The following TBC1D5 variants were observed in gnomAD, a reference collection of about 807,000 sequenced individuals.
The protein encoded by TBC1D5 is TBC1 domain family, member 5.
A neutral mutation model predicts 100.3 loss-of-function variants in TBC1D5; 75 were observed. The ratio of observed to expected loss-of-function variants is 0.75; its 90% CI spans 0.62 to 0.91. TBC1D5 has a LOEUF of 0.91. TBC1D5 is among the 40% of genes least tolerant of loss of function. The pLI is 0.00. For synonymous variants in TBC1D5, 323 were observed against 325.6 expected (o/e 0.99, Z 0.09); for missense variants, 910 against 942.4 (o/e 0.97, Z 0.45).
chr3:17,636,079 GC>G (rs2063889898), intron 1 of TBC1D5, among the ~76,000 whole-genome samples: 1 of 152,086 alleles, frequency 6.6e-6, no homozygotes, highest in Admixed American at 6.5e-5. Context: ...TGTAATCCCA[GC>G]TACTTGAGAG....
intron 17 of TBC1D5, among the ~76,000 whole-genome samples, chr3:17,236,610 T>C (rs191241882): frequency 6.1e-4 from 93 of 152,080 alleles, no homozygotes; most frequent in African/African-American, 2.0e-3. Flanking sequence ...CTCAGTCTCC[T>C]GAGTAGCTGG....
chr3:17,493,576 T>G (rs774984046), intron 3 of TBC1D5, among the ~76,000 whole-genome samples: 1 of 152,194 alleles, frequency 6.6e-6, no homozygotes, highest in Non-Finnish European at 1.5e-5. Context: ...AGTTGTAGAT[T>G]TGGTCTTTTT....
At chr3:17,316,420 T>C (rs2084707144) in intron 13 of TBC1D5, among the ~76,000 whole-genome samples, 1 of 152,188 alleles carries the variant, frequency 6.6e-6, no homozygotes, top group African/African-American at 2.4e-5. Context: ...CCCTCTCTTC[T>C]GAAAAATACA....
At chr3:17,651,239 C>A (rs1191527915) in intron 1 of TBC1D5, among the ~76,000 whole-genome samples, 1 of 152,090 alleles carries the variant, frequency 6.6e-6, no homozygotes, top group East Asian at 1.9e-4. Flanking sequence ...AAAATTAACA[C>A]ATTTCCAGCT....
intron 3 of TBC1D5, among the ~76,000 whole-genome samples, chr3:17,507,778 T>G (rs1253938590): frequency 6.6e-6 from 1 of 152,202 alleles, no homozygotes; most frequent in Admixed American, 6.5e-5. Flanking sequence ...TTTAGTGAAC[T>G]GCTTAAAAAC....
intron 8 of TBC1D5, among the ~76,000 whole-genome samples, chr3:17,387,606 T>C (rs2093205313): frequency 1.3e-5 from 2 of 151,882 alleles, no homozygotes. Context: ...TTTGATGATA[T>C]GTTGTAAGTT....
chr3:17,564,683 T>G (rs2096582770), intron 2 of TBC1D5, among the ~76,000 whole-genome samples: 1 of 152,164 alleles, frequency 6.6e-6, no homozygotes, highest in Non-Finnish European at 1.5e-5. Context: ...GCCCCACCAC[T>G]ACTGCTGAGG....
chr3:17,452,725 A>G (rs2094956090), intron 3 of TBC1D5, among the ~76,000 whole-genome samples: 1 of 152,160 alleles, frequency 6.6e-6, no homozygotes, highest in East Asian at 1.9e-4. Flanking sequence ...TAGAGAATTC[A>G]GCACCCCACT....
At chr3:17,423,978 T>C (rs1292883314) in intron 4 of TBC1D5, among the ~76,000 whole-genome samples, 1 of 152,014 alleles carries the variant, frequency 6.6e-6, no homozygotes, top group East Asian at 1.9e-4. Context: ...AAAAAGCTTA[T>C]GAATAAATGA....
chr3:17,627,197 G>T (rs2063129620), intron 1 of TBC1D5, among the ~76,000 whole-genome samples: 1 of 152,130 alleles, frequency 6.6e-6, no homozygotes, highest in Non-Finnish European at 1.5e-5. Context: ...GGAATTCTTA[G>T]ATCTAAGATA....
At chr3:17,728,328 T>C (rs1031184023) in intron 1 of TBC1D5, among the ~76,000 whole-genome samples, 3 of 152,120 alleles carry the variant, frequency 2.0e-5, no homozygotes, top group Non-Finnish European at 2.9e-5. Context: ...GAAAGGAAGA[T>C]GGAACATTCA....
At chr3:17,157,289 T>C (rs1181582793) in exon 22 of TBC1D5, 1 of 152,266 alleles carries the variant, frequency 6.6e-6, no homozygotes, top group Admixed American at 6.5e-5. Context: ...CGATAGGGCA[T>C]ACATGGCGTC....
chr3:17,272,955 AT>A (rs2079579770), intron 15 of TBC1D5, among the ~76,000 whole-genome samples: 1 of 152,208 alleles, frequency 6.6e-6, no homozygotes, highest in African/African-American at 2.4e-5. Context: ...ATTTATTTTC[AT>A]CCCAACAGTC....
chr3:17,359,718 C>G (rs554422197), intron 13 of TBC1D5, among the ~76,000 whole-genome samples: 1 of 151,960 alleles, frequency 6.6e-6, no homozygotes, highest in Non-Finnish European at 1.5e-5. Flanking sequence ...TACAGGTTAG[C>G]TTAATTACCA....
chr3:17,291,772 G>GCTACCATTAGGCAATTCAT, intron 15 of TBC1D5, 123 bp downstream of exon 15: 1 of 850,140 alleles, frequency 1.2e-6, no homozygotes, highest in South Asian at 1.9e-5. Flanking sequence ...TTAGGCAAAT[G>GCTACCATTAGGCAATTCAT]CTACCATTAG....
chr3:17,426,704 T>A (rs2094344549), intron 4 of TBC1D5, among the ~76,000 whole-genome samples: 1 of 152,022 alleles, frequency 6.6e-6, no homozygotes, highest in Non-Finnish European at 1.5e-5. Context: ...ACTAAGATAC[T>A]TTATTCAAGA....
intron 2 of TBC1D5, among the ~76,000 whole-genome samples, chr3:17,609,375 G>T (rs1560272659): frequency 6.6e-6 from 1 of 152,166 alleles, no homozygotes; most frequent in Non-Finnish European, 1.5e-5. Context: ...GTTCAAATGT[G>T]ATGAATGTCC....
chr3:17,363,685 T>C (rs886555464), intron 13 of TBC1D5, among the ~76,000 whole-genome samples: 1 of 151,918 alleles, frequency 6.6e-6, no homozygotes, highest in African/African-American at 2.4e-5. Context: ...AGCGCTGCGA[T>C]TATAAGCATG....
At chr3:17,353,722 A>C (rs559550978) in intron 13 of TBC1D5, among the ~76,000 whole-genome samples, 4 of 152,188 alleles carry the variant, frequency 2.6e-5, no homozygotes, top group Non-Finnish European at 4.4e-5. Context: ...AATAATTTCT[A>C]ATCAGTGGAG....
Sources: gnomAD v4.1 joint callset for allele counts (sites outside exome capture counted in the v4.1 genomes callset) on GRCh38, gnomAD v4.1.1 for gene constraint, MANE v1.5 for transcripts, NCBI Gene and HGNC (gene_info 2026-07-23, HGNC 2026-07-21) for gene names.